Variants in FBXL17 observed in about 807,000 individuals in gnomAD.
FBXL17 encodes F-box/LRR-repeat protein 17.
Under a neutral mutation model 66.2 loss-of-function variants are expected in FBXL17, and 22 were observed. The ratio of observed to expected loss-of-function variants is 0.33; its 90% CI spans 0.24 to 0.47. The LOEUF (loss-of-function observed/expected upper bound fraction) is 0.47, where lower values mean the gene tolerates loss of function less well. Ranked by LOEUF, FBXL17 falls within the 20% of genes least tolerant of loss-of-function variation. The probability of loss-of-function intolerance (pLI) is 1.00; values close to 1 mark genes in which losing one functional copy is unlikely to be tolerated. For synonymous variants in FBXL17, 474 were observed against 400.5 expected, an observed-to-expected ratio of 1.18 and a Z score of -2.19; for missense variants, 878 against 948.2, an observed-to-expected ratio of 0.93 and a Z score of 0.97.
chr5:108,020,650 G>A, intron 7 of FBXL17: 1 of 240,600 alleles, frequency 4.2e-6, no homozygotes, highest in Admixed American at 5.3e-5. Context: ...ACCTCTTTTA[G>A]CTATACTTTT....
At chr5:107,972,294 T>C (rs1273570093) in intron 7 of FBXL17, among the ~76,000 whole-genome samples, 1 of 152,220 alleles carries the variant, frequency 6.6e-6, no homozygotes, top group Non-Finnish European at 1.5e-5. Context: ...TTAATATAAA[T>C]GGTGTAAATG....
At chr5:108,243,509 T>C (rs1755955066) in intron 4 of FBXL17, among the ~76,000 whole-genome samples, 1 of 152,178 alleles carries the variant, frequency 6.6e-6, no homozygotes, top group African/African-American at 2.4e-5. Context: ...AGGTGCAATT[T>C]CTGTTTTACA....
chr5:108,349,620 G>C (rs1310345505), intron 3 of FBXL17, among the ~76,000 whole-genome samples: 1 of 151,658 alleles, frequency 6.6e-6, no homozygotes, highest in East Asian at 1.9e-4. Context: ...GTTAAATAAG[G>C]TAACTCTGGT....
intron 6 of FBXL17, among the ~76,000 whole-genome samples, chr5:108,096,370 A>G (rs1749368370): frequency 6.6e-6 from 1 of 152,204 alleles, no homozygotes; most frequent in Admixed American, 6.5e-5. Context: ...ACATAGGACG[A>G]TCTTAGTGTT....
intron 1 of FBXL17, among the ~76,000 whole-genome samples, chr5:108,380,450 G>A (rs1000950271): frequency 1.3e-5 from 2 of 152,128 alleles, no homozygotes; most frequent in East Asian, 1.9e-4. Flanking sequence ...TCTAATAATA[G>A]CTGAACCCTG....
chr5:108,302,546 AGACT>A (rs1284386566), intron 4 of FBXL17, among the ~76,000 whole-genome samples: 1 of 151,824 alleles, frequency 6.6e-6, no homozygotes, highest in Non-Finnish European at 1.5e-5. Context: ...CTACAAACAA[AGACT>A]GAAAAATTTC....
At chr5:108,111,246 GAAA>G (rs746133941) in intron 6 of FBXL17, among the ~76,000 whole-genome samples, 47 of 148,468 alleles carry the variant, frequency 3.2e-4, no homozygotes, top group Non-Finnish European at 6.3e-4. Flanking sequence ...GAAAAGAAAA[GAAA>G]AAGAAGAAAG....
At chr5:107,924,441 T>C (rs551170916) in intron 7 of FBXL17, among the ~76,000 whole-genome samples, 2 of 152,296 alleles carry the variant, frequency 1.3e-5, no homozygotes, top group Middle Eastern at 3.4e-3. Flanking sequence ...GGCATTTGCA[T>C]AGAACTTCAT....
In FBXL17 at chr5:107,931,257, A is replaced by ATTT. The variant is rs59275945; in HGVS notation, c.1823-50081_1823-50079dup. ...TTTATTGCTGTTCATGTTAAAGAGA[A>ATTT]TTTTTTTTTTTTTTTTTTTGAGACA... is the stretch of plus-strand genomic sequence containing the variant. On this transcript the variant is annotated intron_variant, in intron 7 of 8. Transcript: ENST00000542267. Among the ~76,000 whole-genome samples the ATTT allele has an allele frequency of 6.5e-3, 740 of 113,746 alleles. 8 individuals carry two copies. Among genetic ancestry groups the ATTT allele is most frequent in the African/African-American group, 0.016 (551 of 34,526 alleles). 74.6% of individuals were successfully genotyped at this position (113,746 alleles called of 152,430 possible).
At chr5:108,136,998 T>C (rs1424415526) in intron 6 of FBXL17, among the ~76,000 whole-genome samples, 4 of 152,074 alleles carry the variant, frequency 2.6e-5, no homozygotes, top group Non-Finnish European at 5.9e-5. Flanking sequence ...ATTTTGATGA[T>C]TAGATAACAT....
At chr5:108,281,218 T>C (rs1021394707) in intron 4 of FBXL17, among the ~76,000 whole-genome samples, 2 of 151,958 alleles carry the variant, frequency 1.3e-5, no homozygotes, top group African/African-American at 4.8e-5. Flanking sequence ...ATATACATTC[T>C]TTTCATCAAC....
At chr5:107,929,127 A>G (rs971621678) in intron 7 of FBXL17, among the ~76,000 whole-genome samples, 3 of 152,184 alleles carry the variant, frequency 2.0e-5, no homozygotes, top group Admixed American at 1.3e-4. Context: ...TGGTGAAAAG[A>G]AACTCACTGT....
At chr5:108,106,647 G>T (rs935728688) in intron 6 of FBXL17, among the ~76,000 whole-genome samples, 27 of 152,022 alleles carry the variant, frequency 1.8e-4, no homozygotes, top group Admixed American at 3.3e-4. Context: ...AACATAAAAG[G>T]GTACATATTA....
At chr5:108,076,191 A>G (rs1306001821) in intron 6 of FBXL17, among the ~76,000 whole-genome samples, 1 of 152,152 alleles carries the variant, frequency 6.6e-6, no homozygotes, top group Non-Finnish European at 1.5e-5. Context: ...CTTTGAGCTT[A>G]TATCTTTGGA....
Position 108,343,648 on chromosome 5 carries a change from A to T in FBXL17, c.1506+4751T>A, listed in dbSNP as rs568939629. ...GAAGCTTTCACATAATGCTGAATTA[A>T]CTACTGCTATTTAAACTGTGACACA... On this transcript the variant is annotated intron_variant, in intron 4 of 8. Transcript: ENST00000542267. 6.8e-4 allele frequency among the ~76,000 whole-genome samples: 103 copies of T among 152,308 alleles called. 1 individual carries two copies. The South Asian group carries it at 0.012, about 17-fold the overall frequency.
intron 7 of FBXL17, among the ~76,000 whole-genome samples, chr5:107,980,962 A>G (rs1485521476): frequency 6.6e-6 from 1 of 152,066 alleles, no homozygotes; most frequent in Non-Finnish European, 1.5e-5. Flanking sequence ...ATTTTTTAAC[A>G]CAACAGCTAT....
At chr5:107,955,325 G>A (rs1246664676) in intron 7 of FBXL17, among the ~76,000 whole-genome samples, 2 of 152,020 alleles carry the variant, frequency 1.3e-5, no homozygotes, top group African/African-American at 4.8e-5. Context: ...TCTAACGTGA[G>A]TAGCATAAGT....
chr5:108,155,464 G>A (rs1460056837), intron 6 of FBXL17, among the ~76,000 whole-genome samples: 1 of 152,008 alleles, frequency 6.6e-6, no homozygotes, highest in Non-Finnish European at 1.5e-5. Flanking sequence ...GTAGTGAGAC[G>A]AGATCGCACC....
intron 6 of FBXL17, among the ~76,000 whole-genome samples, chr5:108,085,260 T>C (rs1748924194): frequency 6.6e-6 from 1 of 152,252 alleles, no homozygotes; most frequent in Admixed American, 6.5e-5. Flanking sequence ...TAACTAAGTT[T>C]TTGGTTTGCA....
Sources: gnomAD v4.1 joint callset for allele counts (sites outside exome capture counted in the v4.1 genomes callset) on GRCh38, gnomAD v4.1.1 for gene constraint, MANE v1.5 for transcripts, NCBI Gene and HGNC (gene_info 2026-07-23, HGNC 2026-07-21) for gene names.